RNF180: variants seen among roughly 807,000 people sequenced by gnomAD.
RNF180 encodes ring finger protein 180, also known as E3 ubiquitin-protein ligase RNF180.
A neutral mutation model predicts 59.2 loss-of-function variants in RNF180; 38 were observed. That is an observed-to-expected ratio of 0.64 (90% CI 0.50 to 0.84). The LOEUF is 0.84. RNF180 is among the 40% of genes least tolerant of loss of function. The probability of loss-of-function intolerance (pLI) is 0.00; values close to 1 mark genes in which losing one functional copy is unlikely to be tolerated. For synonymous variants in RNF180, 262 were observed against 240.3 expected, an observed-to-expected ratio of 1.09 and a Z score of -0.84; for missense variants, 705 against 700.9, an observed-to-expected ratio of 1.01 and a Z score of -0.07.
intron 5 of RNF180, among the ~76,000 whole-genome samples, chr5:64,279,419 CAG>C (rs1217169112): frequency 6.6e-6 from 1 of 152,034 alleles, no homozygotes; most frequent in Non-Finnish European, 1.5e-5. Context: ...ATGTAGCATC[CAG>C]AGAGGGGTTT....
intron 7 of RNF180, among the ~76,000 whole-genome samples, chr5:64,350,254 G>A (rs574929572): frequency 7.2e-5 from 11 of 152,246 alleles, no homozygotes; most frequent in Non-Finnish European, 1.0e-4. Context: ...CCCACTTTGT[G>A]ATGGGGTTGT....
At chr5:64,271,301 GT>G (rs1163201086) in intron 5 of RNF180, among the ~76,000 whole-genome samples, 1 of 151,934 alleles carries the variant, frequency 6.6e-6, no homozygotes, top group African/African-American at 2.4e-5. Flanking sequence ...CATTTGACAG[GT>G]ATATGTTGCT....
intron 5 of RNF180, among the ~76,000 whole-genome samples, chr5:64,258,598 G>T (rs1744130564): frequency 2.6e-5 from 4 of 152,142 alleles, no homozygotes. Flanking sequence ...TTTTGGGAGG[G>T]CAGTGAAGCA....
At chr5:64,212,715 C>A (rs1488626995) in intron 3 of RNF180, among the ~76,000 whole-genome samples, 1 of 152,062 alleles carries the variant, frequency 6.6e-6, no homozygotes, top group East Asian at 1.9e-4. Flanking sequence ...TTTAAAGGAT[C>A]CTTAATGAAA....
intron 5 of RNF180, among the ~76,000 whole-genome samples, chr5:64,257,764 A>C (rs1490380959): frequency 6.6e-6 from 1 of 152,310 alleles, no homozygotes; most frequent in African/African-American, 2.4e-5. Flanking sequence ...TGATTGGAAT[A>C]GTTTCAGAAC....
chr5:64,323,675 A>G (rs1189754374), intron 5 of RNF180, among the ~76,000 whole-genome samples: 1 of 152,242 alleles, frequency 6.6e-6, no homozygotes, highest in Non-Finnish European at 1.5e-5. Context: ...CCTGTAGAGA[A>G]AGAGCAGAAG....
chr5:64,214,129 G>A lies in RNF180; in HGVS notation c.803G>A (p.Gly268Asp). ...LNETQPIDLSGLPLQSSKNSY... is the reference protein window; with the variant it reads ...LNETQPIDLSDLPLQSSKNSY... ...GAAACACAGCCTATTGACCTTTCAG[G>A]CTTGCCTTTACAATCTAGTAAAAAT... The change falls in exon 4 of 8, where the codon GGC becomes GAC. Residue 268 changes from glycine to aspartate, a missense_variant. Gly to Asp is a moderately conservative substitution (Grantham distance 94). Coordinates refer to ENST00000389100, the MANE Select transcript of RNF180 (RefSeq NM_001113561.2). 1 of 1,613,982 alleles carries A rather than the reference G, an allele frequency of 6.2e-7. No homozygotes were observed. The highest frequency in any genetic ancestry group is 8.5e-7 in the Non-Finnish European group (1 of 1,179,992).
chr5:64,182,366 C>G (rs1160881799), intron 1 of RNF180, among the ~76,000 whole-genome samples: 1 of 152,106 alleles, frequency 6.6e-6, no homozygotes, highest in African/African-American at 2.4e-5. Flanking sequence ...CACTAATCAC[C>G]ATTAAATATT....
intron 7 of RNF180, among the ~76,000 whole-genome samples, chr5:64,349,219 T>G (rs2112578440): frequency 6.6e-6 from 1 of 152,216 alleles, no homozygotes; most frequent in East Asian, 1.9e-4. Context: ...CCACCATTCC[T>G]TGAGAAAAAC....
chr5:64,344,783 G>A (rs1745490085), intron 7 of RNF180, among the ~76,000 whole-genome samples: 1 of 151,772 alleles, frequency 6.6e-6, no homozygotes, highest in Non-Finnish European at 1.5e-5. Flanking sequence ...GCTTGTTACA[G>A]GTTAAATAAT....
intron 5 of RNF180, among the ~76,000 whole-genome samples, chr5:64,317,035 G>C (rs886909622): frequency 3.9e-5 from 6 of 152,124 alleles, no homozygotes; most frequent in Non-Finnish European, 8.8e-5. Flanking sequence ...ATTCATGTTT[G>C]ATGGCAGATG....
At chr5:64,325,117 A>C in intron 5 of RNF180, 69 bp from the exon 6 acceptor site, 3 of 978,004 alleles carry the variant, frequency 3.1e-6, no homozygotes. Flanking sequence ...TTTTAACAAA[A>C]TATAAAGGCT....
chr5:64,342,764 G>A (rs1020693981), intron 7 of RNF180, among the ~76,000 whole-genome samples: 3 of 152,110 alleles, frequency 2.0e-5, no homozygotes, highest in Non-Finnish European at 4.4e-5. Flanking sequence ...CCATGCTGTA[G>A]TAGGGAGTCC....
intron 5 of RNF180, among the ~76,000 whole-genome samples, chr5:64,263,275 G>C (rs1418360580): frequency 6.6e-6 from 1 of 152,084 alleles, no homozygotes; most frequent in African/African-American, 2.4e-5. Flanking sequence ...CAGTGTGCTG[G>C]GGAATATTTC....
intron 4 of RNF180, among the ~76,000 whole-genome samples, chr5:64,215,990 T>G (rs974438862): frequency 7.5e-5 from 10 of 132,552 alleles, no homozygotes; most frequent in African/African-American, 2.7e-4. Context: ...AGTTAATGTG[T>G]TTTTTTTTTG....
intron 5 of RNF180, among the ~76,000 whole-genome samples, chr5:64,274,468 A>T (rs547930905): frequency 1.3e-5 from 2 of 151,868 alleles, no homozygotes; most frequent in South Asian, 4.2e-4. Flanking sequence ...GTAATTTATA[A>T]TTGTGAGTTT....
At chr5:64,183,744 A>C (rs1290084384) in intron 1 of RNF180, among the ~76,000 whole-genome samples, 1 of 152,212 alleles carries the variant, frequency 6.6e-6, no homozygotes, top group Admixed American at 6.5e-5. Flanking sequence ...CACTGTTCCC[A>C]GTCAAAAAGT....
chr5:64,236,004 G>A lies in RNF180; in HGVS notation c.1227+18608G>A, dbSNP rs146938612. ...AAAGACTAATACAGAGAATTGGTAC[G>A]AGCAGAGTAAGGTACTGCTATAAAG... On this transcript the variant is annotated intron_variant, in intron 5 of 7. Coordinates refer to ENST00000389100, the MANE Select transcript of RNF180 (RefSeq NM_001113561.2). Among the ~76,000 whole-genome samples the A allele has an allele frequency of 2.6e-4, 39 of 152,324 alleles. No homozygotes were observed. The East Asian group carries it at 6.0e-3, about 23-fold the overall frequency.
intron 7 of RNF180, among the ~76,000 whole-genome samples, chr5:64,366,586 A>T (rs1037802594): frequency 6.6e-6 from 1 of 151,534 alleles, no homozygotes; most frequent in African/African-American, 2.4e-5. Context: ...TGAAATACAA[A>T]ATATATTTAA....
Sources: allele counts gnomAD v4.1 joint callset (sites outside exome capture counted in the v4.1 genomes callset), GRCh38; gene constraint gnomAD v4.1.1; transcripts MANE v1.5; gene names NCBI Gene and HGNC (gene_info 2026-07-23, HGNC 2026-07-21).